ASNSD1: variants seen among roughly 807,000 people sequenced by gnomAD.
The protein encoded by ASNSD1 is asparagine synthetase domain containing 1.
ASNSD1 carries 36 observed loss-of-function variants against 48.3 expected under a neutral mutation model. The observed-to-expected ratio is 0.75, with a 90% CI of 0.57 to 0.99. ASNSD1 has a LOEUF of 0.99. ASNSD1 is among the 50% of genes least tolerant of loss of function. ASNSD1 has a pLI of 0.00. For missense variants in ASNSD1, 714 were observed against 758.2 expected (o/e 0.94, Z 0.69); for synonymous variants, 257 against 262.1 (o/e 0.98, Z 0.19).
intron 5 of ASNSD1, 122 bp from the exon 6 acceptor site, chr2:189,670,319 T>G: frequency 1.5e-6 from 1 of 674,618 alleles, no homozygotes; most frequent in Non-Finnish European, 2.4e-6. Flanking sequence ...TTTTGTAGTA[T>G]ATGTATTAAA....
chr2:189,665,115 A>G (rs922379210), intron 2 of ASNSD1, among the ~76,000 whole-genome samples: 2 of 152,196 alleles, frequency 1.3e-5, no homozygotes, highest in African/African-American at 4.8e-5. Flanking sequence ...TTCTCAATAT[A>G]TTGCTCATTG....
At position 189,670,714 on chromosome 2, in the gene ASNSD1, G is replaced by A. The variant is rs199939516; in HGVS notation, c.1920G>A (p.Glu640=). The change falls in exon 6 of 6, where the codon GAG becomes GAA. Residue 640 remains glutamate (E), a synonymous_variant. Transcript: ENST00000260952. ...TAGAAAATCTTTCTATTGAAAAGGA[G>A]ACTAAATTGTAATGTGATTCACAAT... ...MSLENLSIEK[E]TKL is the part of the protein sequence containing the mutation. 3.5e-5 allele frequency: 56 copies of A among 1,585,284 alleles called. 1 individual carries two copies. The East Asian group carries it at 1.2e-3, about 34-fold the overall frequency.
chr2:189,665,238 T>C (rs886505286), intron 2 of ASNSD1, 138 bp from the exon 3 acceptor site: 1 of 368,876 alleles, frequency 2.7e-6, no homozygotes, highest in Non-Finnish European at 4.8e-6. Flanking sequence ...GTGACTTTTA[T>C]TTGTCTTTTT....
intron 2 of ASNSD1, among the ~76,000 whole-genome samples, chr2:189,664,299 T>G (rs1171749872): frequency 6.6e-6 from 1 of 152,220 alleles, no homozygotes; most frequent in Non-Finnish European, 1.5e-5. Flanking sequence ...AGAAGAAACT[T>G]TTCTTTTAAA....
chr2:189,665,632 A>ATGTG (rs1232367448), intron 3 of ASNSD1, among the ~76,000 whole-genome samples, 181 bp downstream of exon 3: 55 of 89,974 alleles, frequency 6.1e-4, no homozygotes, highest in Non-Finnish European at 1.0e-3. Flanking sequence ...ATATATATAT[A>ATGTG]TATATATATA....
rs754446581 is a variant in ASNSD1 at position 189,667,028 on chromosome 2, T to A, written c.896T>A (p.Leu299Ter). The A allele has an allele frequency of 1.0e-4, 163 of 1,614,040 alleles. No individual in the cohort carries two copies. The highest frequency in any genetic ancestry group is 1.4e-4 in the Non-Finnish European group (161 of 1,180,028). ...VLSVAVKKRVLCLPRDENLTA... is the reference protein window; with the variant it reads ...VLSVAVKKRV ...AGTGTAGCAGTCAAGAAACGTGTCTTGTGTTTACCTAGGGATGAAAACCTG... is the reference window on the plus strand; with the variant it reads ...AGTGTAGCAGTCAAGAAACGTGTCTAGTGTTTACCTAGGGATGAAAACCTG... The change falls in exon 4 of 6, where the codon TTG becomes TAG. Residue 299 changes from leucine to a stop codon, truncating the protein, a stop_gained. Coordinates refer to ENST00000260952, the MANE Select transcript of ASNSD1 (RefSeq NM_019048.4). LOFTEE classifies it high-confidence loss of function.
intron 2 of ASNSD1, among the ~76,000 whole-genome samples, 185 bp from the exon 3 acceptor site, chr2:189,665,186 GTTTCA>G (rs1371839191): frequency 6.6e-6 from 1 of 152,126 alleles, no homozygotes; most frequent in Non-Finnish European, 1.5e-5. Flanking sequence ...AGAGAAAATA[GTTTCA>G]TTTCAGTAGT....
Position 189,666,658 on chromosome 2 carries a change from T to C in ASNSD1, c.526T>C (p.Ser176Pro). The part of the protein sequence containing the change: ...LANQWQEVPA[S>P]GLFRIDLKST... ...AAATCAGTGGCAAGAAGTTCCAGCA[T>C]CTGGACTTTTCAGAATTGATCTTAA... Residue 176 changes from serine to proline, a missense_variant, in exon 4 of 6, where the codon TCT becomes CCT. Physicochemically the swap from Ser to Pro is moderately conservative, Grantham distance 74. Coordinates refer to ENST00000260952, the MANE Select transcript of ASNSD1 (RefSeq NM_019048.4). 6.2e-7 allele frequency: 1 copy of C among 1,614,130 alleles called. No individual in the cohort carries two copies. The highest frequency in any genetic ancestry group is 8.5e-7 in the Non-Finnish European group (1 of 1,179,974).
chr2:189,663,378 C>T (rs576417695), intron 1 of ASNSD1, among the ~76,000 whole-genome samples: 1 of 152,088 alleles, frequency 6.6e-6, no homozygotes, highest in African/African-American at 2.4e-5. Flanking sequence ...CTCAGCCTCC[C>T]GAATAGCTGG....
intron 4 of ASNSD1, 58 bp from the exon 5 acceptor site, chr2:189,667,706 T>C: frequency 6.5e-7 from 1 of 1,546,446 alleles, no homozygotes; most frequent in Non-Finnish European, 8.7e-7. Flanking sequence ...GCATTTATCT[T>C]ATTTTCTTTA....
chr2:189,663,701 C>T (rs1297572458), intron 1 of ASNSD1, among the ~76,000 whole-genome samples, 200 bp from the exon 2 acceptor site: 1 of 152,134 alleles, frequency 6.6e-6, no homozygotes, highest in African/African-American at 2.4e-5. Flanking sequence ...TGTTTTTTCT[C>T]CTCCAGCTTT....
At chr2:189,665,608 A>ATG (rs2032775042) in intron 3 of ASNSD1, among the ~76,000 whole-genome samples, 157 bp downstream of exon 3, 1 of 13,382 alleles carries the variant, frequency 7.5e-5, no homozygotes, top group African/African-American at 1.4e-4. Context: ...GTATATATAT[A>ATG]TATATATATA....
At position 189,666,691 on chromosome 2, in the gene ASNSD1, G is replaced by C. The variant is rs1164401876; in HGVS notation, c.559G>C (p.Val187Leu). The change falls in exon 4 of 6, where the codon GTC (valine) becomes CTC (leucine). Residue 187 changes from valine (V) to leucine (L), a missense_variant. Coordinates refer to ENST00000260952, the MANE Select transcript of ASNSD1 (RefSeq NM_019048.4). ...GLFRIDLKST[V>L]ISGCIILQLY... ...TTTCAGAATTGATCTTAAGTCTACTGTCATTTCCGGATGCATTATTTTACA... is the reference window on the plus strand; with the variant it reads ...TTTCAGAATTGATCTTAAGTCTACTCTCATTTCCGGATGCATTATTTTACA... 1.2e-6 allele frequency: 2 copies of C among 1,613,014 alleles called. No homozygotes were observed. The highest frequency in any genetic ancestry group is 1.7e-5 in the Admixed American group (1 of 60,008).
rs780643376 is a variant in ASNSD1, at chr2:189,666,152, C to A, written c.20C>A (p.Ser7Tyr). MCGICC[S>Y]VNFSAEHFSQ... ...ATAACAATGTGTGGCATTTGTTGTT[C>A]TGTAAACTTTTCTGCTGAGCATTTC... Residue 7 changes from serine to tyrosine, a missense_variant, in exon 4 of 6, where the codon TCT becomes TAT. Ser to Tyr is a moderately radical substitution (Grantham distance 144). Coordinates refer to ENST00000260952, the MANE Select transcript of ASNSD1 (RefSeq NM_019048.4). The A allele has an allele frequency of 1.9e-6, 3 of 1,579,658 alleles. No homozygotes were observed. Among genetic ancestry groups the A allele is most frequent in the Non-Finnish European group, 2.6e-6 (3 of 1,164,286 alleles).
At position 189,665,644 on chromosome 2, in the gene ASNSD1, A is replaced by ATATATG. The variant is rs1455945789; in HGVS notation, c.-93+196_-93+197insATGTAT. ...TATATATATATATATATATATATATATATTATAAATGTTTTAGAAAGCAAT... is the reference window on the plus strand; with the variant it reads ...TATATATATATATATATATATATATATATATGTATTATAAATGTTTTAGAAAGCAAT... On this transcript the variant is annotated intron_variant, in intron 3 of 5. Transcript: ENST00000260952. Among the ~76,000 whole-genome samples the ATATATG allele has an allele frequency of 1.9e-4, 23 of 123,746 alleles. 1 individual carries two copies. Among genetic ancestry groups the ATATATG allele is most frequent in the East Asian group, 7.2e-4 (3 of 4,178 alleles). The allele number at this position is 123,746 out of a possible 152,430, so 81.2% of individuals were successfully genotyped here. A position where few individuals can be genotyped will look rare whatever the true frequency, so the allele number is the denominator to read the frequency against.
intron 1 of ASNSD1, among the ~76,000 whole-genome samples, chr2:189,662,327 T>G (rs1473730795): frequency 1.3e-5 from 2 of 152,226 alleles, no homozygotes; most frequent in African/African-American, 4.8e-5. Context: ...ATGTCCTAGA[T>G]TCTACTTTGG....
At position 189,665,618 on chromosome 2, in the gene ASNSD1, A is replaced by G. The variant is rs1181629767; in HGVS notation, c.-93+167A>G. ...TATGTGTATATATATATATATATATATATATATATATATATATATATATAT... is the reference window on the plus strand; with the variant it reads ...TATGTGTATATATATATATATATATGTATATATATATATATATATATATAT... On this transcript the variant is annotated intron_variant, in intron 3 of 5. Coordinates refer to ENST00000260952, the MANE Select transcript of ASNSD1 (RefSeq NM_019048.4). 9.1e-3 allele frequency among the ~76,000 whole-genome samples: 994 copies of G among 108,666 alleles called. 40 individuals carry two copies. Among genetic ancestry groups the G allele is most frequent in the Admixed American group, 0.018 (203 of 11,472 alleles). The allele number at this position is 108,666 out of a possible 152,430, so 71.3% of individuals were successfully genotyped here. A position where few individuals can be genotyped will look rare whatever the true frequency, so the allele number is the denominator to read the frequency against.
chr2:189,670,375 C>G (rs2032899706), intron 5 of ASNSD1, 66 bp from the exon 6 acceptor site: 2 of 1,356,604 alleles, frequency 1.5e-6, no homozygotes, highest in African/African-American at 2.9e-5. Flanking sequence ...AGCTATAAAA[C>G]TGTGTATAAA....
chr2:189,669,855 T>G (rs2032891574), intron 5 of ASNSD1, among the ~76,000 whole-genome samples: 1 of 152,198 alleles, frequency 6.6e-6, no homozygotes, highest in South Asian at 2.1e-4. Context: ...CACCATTTAA[T>G]TGGTTTAAGT....
Sources: gnomAD v4.1 joint callset for allele counts (sites outside exome capture counted in the v4.1 genomes callset) on GRCh38, gnomAD v4.1.1 for gene constraint, MANE v1.5 for transcripts, NCBI Gene and HGNC (gene_info 2026-07-23, HGNC 2026-07-21) for gene names.